LIMS1: variants seen among roughly 807,000 people sequenced by gnomAD.
LIMS1 encodes the protein LIM zinc finger domain containing 1.
LIMS1 carries 18 observed loss-of-function variants against 44.1 expected under a neutral mutation model. The observed-to-expected ratio is 0.41, with a 90% CI of 0.28 to 0.61. The LOEUF is 0.61. Ranked by LOEUF, LIMS1 falls within the 20% of genes least tolerant of loss-of-function variation. The pLI is 0.32. For missense variants in LIMS1, 201 were observed against 422.0 expected, an observed-to-expected ratio of 0.48 and a Z score of 4.59; for synonymous variants, 93 against 149.1, an observed-to-expected ratio of 0.62 and a Z score of 2.74.
intron 1 of LIMS1, among the ~76,000 whole-genome samples, chr2:108,630,306 T>C (rs773696340): frequency 1.3e-5 from 2 of 152,142 alleles, no homozygotes; most frequent in Admixed American, 6.5e-5. Context: ...GTGAGCCTCC[T>C]TCGAAATTCA....
intron 1 of LIMS1, among the ~76,000 whole-genome samples, chr2:108,593,551 A>G (rs1040982393): frequency 6.6e-6 from 1 of 152,208 alleles, no homozygotes; most frequent in Admixed American, 6.5e-5. Flanking sequence ...TCAATTTACA[A>G]TAAACTTTAA....
chr2:108,562,953 A>G (rs1417356430), intron 1 of LIMS1, among the ~76,000 whole-genome samples: 2 of 152,234 alleles, frequency 1.3e-5, no homozygotes, highest in Admixed American at 1.3e-4. Context: ...GCCAGTGCTC[A>G]TTTACTATTC....
intron 1 of LIMS1, among the ~76,000 whole-genome samples, chr2:108,600,926 CTCTTCTCTTT>C (rs1686978822): frequency 8.4e-6 from 1 of 119,458 alleles, no homozygotes; most frequent in Admixed American, 9.7e-5. Flanking sequence ...CTCTTCTCTT[CTCTTCTCTTT>C]TTTCTTCACT....
At chr2:108,577,293 C>T (rs1269914794) in intron 1 of LIMS1, among the ~76,000 whole-genome samples, 1 of 152,258 alleles carries the variant, frequency 6.6e-6, no homozygotes, top group Non-Finnish European at 1.5e-5. Flanking sequence ...GACTCACTTC[C>T]GTGATGAACC....
At chr2:108,640,437 T>A (rs183979231) in intron 1 of LIMS1, among the ~76,000 whole-genome samples, 57 of 152,314 alleles carry the variant, frequency 3.7e-4, no homozygotes, top group African/African-American at 1.3e-3. Context: ...TTCTGCCTGT[T>A]GTGGGCAGTG....
rs1194319426 is a variant in LIMS1, at chr2:108,667,539, A to T, written c.193-3242A>T. On this transcript the variant is annotated intron_variant, in intron 2 of 9. Transcript: ENST00000544547. ...AGTGATTATATTTTCAACCTTTTTT[A>T]AAAAAAAAAAAAATATATATATATA... is the stretch of plus-strand genomic sequence containing the variant. Among the ~76,000 whole-genome samples the T allele has an allele frequency of 3.7e-3, 167 of 45,628 alleles. 3 individuals carry two copies. The East Asian group carries it at 0.28, about 76-fold the overall frequency. 29.9% of individuals were successfully genotyped at this position (45,628 alleles called of 152,430 possible).
At chr2:108,540,284 C>T (rs1452064139) in intron 1 of LIMS1, among the ~76,000 whole-genome samples, 3 of 146,754 alleles carry the variant, frequency 2.0e-5, no homozygotes, top group Admixed American at 7.2e-5. Context: ...CTGCAGGCTC[C>T]GCCTCCCGGG....
intron 9 of LIMS1, chr2:108,680,978 T>C: frequency 7.8e-7 from 1 of 1,290,204 alleles, no homozygotes; most frequent in Non-Finnish European, 1.0e-6. Context: ...GGGATAAGTT[T>C]GTTGAAATTG....
chr2:108,632,626 A>G (rs1428681521), intron 1 of LIMS1, among the ~76,000 whole-genome samples: 1 of 152,178 alleles, frequency 6.6e-6, no homozygotes, highest in Non-Finnish European at 1.5e-5. Flanking sequence ...TAAGCGAGCC[A>G]AAGAGAAGCC....
chr2:108,551,141 A>G (rs1684676286), intron 1 of LIMS1, among the ~76,000 whole-genome samples: 1 of 151,922 alleles, frequency 6.6e-6, no homozygotes, highest in Admixed American at 6.6e-5. Context: ...AACAAAAACA[A>G]ACTCACACAC....
At chr2:108,562,002 G>A (rs112605748) in intron 1 of LIMS1, among the ~76,000 whole-genome samples, 1 of 152,138 alleles carries the variant, frequency 6.6e-6, no homozygotes, top group East Asian at 1.9e-4. Flanking sequence ...TTGGCTTCCC[G>A]AAGTGCTGGG....
At chr2:108,638,482 G>T (rs376545383) in intron 1 of LIMS1, among the ~76,000 whole-genome samples, 1 of 152,152 alleles carries the variant, frequency 6.6e-6, no homozygotes, top group Non-Finnish European at 1.5e-5. Flanking sequence ...GGTGGTTCAC[G>T]CCTGTAACCC....
intron 1 of LIMS1, among the ~76,000 whole-genome samples, chr2:108,623,516 G>C (rs904652727): frequency 1.3e-5 from 2 of 152,120 alleles, no homozygotes; most frequent in African/African-American, 4.8e-5. Context: ...GTTATCTTGC[G>C]AATAGTGCCA....
At chr2:108,662,221 T>G in intron 2 of LIMS1, 1 of 1,612,040 alleles carries the variant, frequency 6.2e-7, no homozygotes, top group South Asian at 1.1e-5. Context: ...ATTTTGCCTG[T>G]GACTTAGGAA....
intron 1 of LIMS1, among the ~76,000 whole-genome samples, chr2:108,542,390 A>G (rs1224178326): frequency 3.3e-5 from 5 of 152,332 alleles, no homozygotes; most frequent in African/African-American, 7.2e-5. Flanking sequence ...CATCACAGCC[A>G]CACCACGAAG....
chr2:108,548,670 C>T (rs1311105329), intron 1 of LIMS1, among the ~76,000 whole-genome samples: 1 of 152,198 alleles, frequency 6.6e-6, no homozygotes, highest in Non-Finnish European at 1.5e-5. Flanking sequence ...ATGCTCTCCC[C>T]ACCAGCCCCC....
chr2:108,535,527 T>C (rs1325719571), intron 1 of LIMS1, among the ~76,000 whole-genome samples: 1 of 152,232 alleles, frequency 6.6e-6, no homozygotes, highest in Non-Finnish European at 1.5e-5. Flanking sequence ...CTGTTACCCA[T>C]TGTAACACCA....
chr2:108,678,059 C>T, intron 8 of LIMS1, 32 bp downstream of exon 8: 5 of 1,607,910 alleles, frequency 3.1e-6, no homozygotes, highest in Non-Finnish European at 4.2e-6. Flanking sequence ...AGATTGGTGC[C>T]ACTTTGACAC....
chr2:108,555,390 C>T (rs1684893315), intron 1 of LIMS1, among the ~76,000 whole-genome samples: 1 of 152,198 alleles, frequency 6.6e-6, no homozygotes, highest in African/African-American at 2.4e-5. Flanking sequence ...GGTTCTGGCA[C>T]TCACCTGCTG....
Sources: allele counts gnomAD v4.1 joint callset (sites outside exome capture counted in the v4.1 genomes callset), GRCh38; gene constraint gnomAD v4.1.1; transcripts MANE v1.5; gene names NCBI Gene and HGNC (gene_info 2026-07-23, HGNC 2026-07-21).